CRPPA: variants seen among roughly 807,000 people sequenced by gnomAD.
The protein encoded by CRPPA is D-ribitol-5-phosphate cytidylyltransferase.
In CRPPA, 43 loss-of-function variants were observed where a neutral mutation model predicts 52.0. That is an observed-to-expected ratio of 0.83 (90% CI 0.65 to 1.07). CRPPA has a LOEUF of 1.07. CRPPA is among the 50% of genes least tolerant of loss of function. The probability of loss-of-function intolerance (pLI) is 0.00; values close to 1 mark genes in which losing one functional copy is unlikely to be tolerated. For missense variants in CRPPA, 629 were observed against 551.7 expected (o/e 1.14, Z -1.40); for synonymous variants, 250 against 203.5 (o/e 1.23, Z -1.94).
intron 2 of CRPPA, 145 bp downstream of exon 2, chr7:16,405,916 A>T: frequency 1.4e-6 from 1 of 729,464 alleles, no homozygotes; most frequent in Non-Finnish European, 2.2e-6. Flanking sequence ...CTATAAAGTT[A>T]CTACAACAAA....
At position 16,089,189 on chromosome 7, in the gene CRPPA, T is replaced by C. The variant is rs1020996497; in HGVS notation, c.*2506A>G. On this transcript the variant is annotated 3_prime_UTR_variant, in exon 10 of 10. Coordinates refer to ENST00000407010, the MANE Select transcript of CRPPA (RefSeq NM_001101426.4). ...ACATATATACGTACGTATATACATATATGTGTGTATATACGTACGTATATA... is the reference window on the plus strand; with the variant it reads ...ACATATATACGTACGTATATACATACATGTGTGTATATACGTACGTATATA... 6.0e-6 allele frequency: 2 copies of C among 331,510 alleles called. No individual in the cohort carries two copies. Among genetic ancestry groups the C allele is most frequent in the African/African-American group, 4.3e-5 (2 of 46,974 alleles). 20.5% of individuals were successfully genotyped at this position (331,510 alleles called of 1,614,324 possible).
At chr7:16,252,844 G>A (rs1365281657) in intron 8 of CRPPA, among the ~76,000 whole-genome samples, 1 of 152,116 alleles carries the variant, frequency 6.6e-6, no homozygotes, top group Non-Finnish European at 1.5e-5. Flanking sequence ...GAGGGTGTAT[G>A]TGTTCAAGAA....
At chr7:16,354,170 T>C (rs1418622987) in intron 3 of CRPPA, among the ~76,000 whole-genome samples, 1 of 152,202 alleles carries the variant, frequency 6.6e-6, no homozygotes, top group African/African-American at 2.4e-5. Flanking sequence ...TGTGACAATA[T>C]TCTCTTGGAA....
At chr7:16,212,160 C>A (rs1317445966) in intron 9 of CRPPA, among the ~76,000 whole-genome samples, 1 of 152,044 alleles carries the variant, frequency 6.6e-6, no homozygotes, top group African/African-American at 2.4e-5. Context: ...AGAATTCAGG[C>A]TAAGGGAGAG....
chr7:16,415,415 C>G (rs568851218), intron 1 of CRPPA, among the ~76,000 whole-genome samples: 1 of 152,226 alleles, frequency 6.6e-6, no homozygotes, highest in Non-Finnish European at 1.5e-5. Flanking sequence ...CATAGAGTAC[C>G]GAACTCAAGT....
intron 9 of CRPPA, among the ~76,000 whole-genome samples, chr7:16,125,257 C>CAA (rs11323226): frequency 2.0e-3 from 132 of 67,624 alleles, no homozygotes; most frequent in Middle Eastern, 0.011. Flanking sequence ...GAGACTGTCT[C>CAA]AAAAAAAAAA....
intron 9 of CRPPA, among the ~76,000 whole-genome samples, chr7:16,159,464 T>G (rs1783257119): frequency 1.3e-5 from 2 of 152,192 alleles, no homozygotes; most frequent in South Asian, 4.1e-4. Context: ...TGTTCCTGTG[T>G]TAGCTTGCTG....
At chr7:16,168,838 T>G (rs533073732) in intron 9 of CRPPA, among the ~76,000 whole-genome samples, 10 of 152,282 alleles carry the variant, frequency 6.6e-5, no homozygotes, top group African/African-American at 2.2e-4. Flanking sequence ...CAAGCATTAA[T>G]GAAAGTAAAG....
chr7:16,331,951 T>A (rs1785561365), intron 3 of CRPPA, among the ~76,000 whole-genome samples: 2 of 152,118 alleles, frequency 1.3e-5, no homozygotes, highest in Admixed American at 6.5e-5. Context: ...TTTCTCCAAA[T>A]TAATGTAAGA....
chr7:16,202,817 C>G (rs546441426), intron 9 of CRPPA, among the ~76,000 whole-genome samples: 1 of 152,208 alleles, frequency 6.6e-6, no homozygotes, highest in East Asian at 1.9e-4. Context: ...TCAAGGCTGA[C>G]AGATATGGTA....
intron 8 of CRPPA, among the ~76,000 whole-genome samples, chr7:16,229,341 C>T (rs574006882): frequency 3.4e-4 from 51 of 152,014 alleles, no homozygotes; most frequent in African/African-American, 1.2e-3. Flanking sequence ...AGTTGTTTTG[C>T]CAATTTTTGT....
At chr7:16,149,585 T>C (rs1054250464) in intron 9 of CRPPA, among the ~76,000 whole-genome samples, 5 of 152,232 alleles carry the variant, frequency 3.3e-5, no homozygotes, top group African/African-American at 1.2e-4. Flanking sequence ...CTATCACTTA[T>C]ATTTAAAGAG....
intron 9 of CRPPA, among the ~76,000 whole-genome samples, chr7:16,184,484 T>C (rs1174436226): frequency 6.6e-6 from 1 of 152,206 alleles, no homozygotes; most frequent in African/African-American, 2.4e-5. Flanking sequence ...ATAAAGTAAA[T>C]GACTTCACTA....
At chr7:16,243,891 T>C (rs556033375) in intron 8 of CRPPA, among the ~76,000 whole-genome samples, 1 of 152,246 alleles carries the variant, frequency 6.6e-6, no homozygotes, top group South Asian at 2.1e-4. Flanking sequence ...CACTTGAGCC[T>C]GGGAGATGGA....
intron 1 of CRPPA, among the ~76,000 whole-genome samples, chr7:16,409,992 C>A (rs1018199064): frequency 1.3e-5 from 2 of 152,168 alleles, no homozygotes; most frequent in African/African-American, 4.8e-5. Context: ...CATCTTACAA[C>A]ACAGCATAGT....
chr7:16,242,283 A>G (rs1400933536), intron 8 of CRPPA, among the ~76,000 whole-genome samples: 1 of 152,020 alleles, frequency 6.6e-6, no homozygotes, highest in Non-Finnish European at 1.5e-5. Flanking sequence ...TGATTTTTAC[A>G]TGAGAAATTT....
In CRPPA at chr7:16,321,324, C is replaced by T. The variant is rs1785260113; in HGVS notation, c.685-12697G>A. On this transcript the variant is annotated intron_variant, in intron 3 of 9. Transcript: ENST00000407010. ...ACCCTATCATAACTTATTTGATAAA[C>T]TCATCAAAAGTGAGACAACAAAAGA... is the stretch of plus-strand genomic sequence containing the variant. Among the ~76,000 whole-genome samples, 3 of 152,004 alleles carry T rather than the reference C, an allele frequency of 2.0e-5. No homozygotes were observed. In the South Asian group the frequency reaches 6.2e-4, roughly 31 times the overall value.
At chr7:16,156,346 T>C (rs893048175) in intron 9 of CRPPA, among the ~76,000 whole-genome samples, 3 of 152,198 alleles carry the variant, frequency 2.0e-5, no homozygotes, top group Non-Finnish European at 4.4e-5. Flanking sequence ...GGTACAGACA[T>C]TGGCAGCTTT....
intron 3 of CRPPA, among the ~76,000 whole-genome samples, chr7:16,325,741 C>T (rs945808147): frequency 1.3e-5 from 2 of 152,040 alleles, no homozygotes; most frequent in Admixed American, 1.3e-4. Context: ...TCTGCTTGAA[C>T]TGTGATGGAA....
Sources: allele counts gnomAD v4.1 joint callset (sites outside exome capture counted in the v4.1 genomes callset), GRCh38; gene constraint gnomAD v4.1.1; transcripts MANE v1.5; gene names NCBI Gene and HGNC (gene_info 2026-07-23, HGNC 2026-07-21).